Variants in FSIP1 observed in about 807,000 individuals in gnomAD.
FSIP1 encodes fibrous sheath interacting protein 1, also known as fibrous sheath-interacting protein 1.
A neutral mutation model predicts 60.9 loss-of-function variants in FSIP1; 65 were observed. The ratio of observed to expected loss-of-function variants is 1.07; its 90% CI spans 0.87 to 1.31. The LOEUF is 1.31. Among genes scored for constraint, FSIP1 ranks in the 40% most tolerant of loss-of-function variants. FSIP1 has a pLI of 0.00. For missense variants in FSIP1, 675 were observed against 665.5 expected (o/e 1.01, Z -0.16); for synonymous variants, 209 against 221.2 (o/e 0.94, Z 0.49).
At chr15:39,602,682 T>C (rs1212918873) in intron 11 of FSIP1, among the ~76,000 whole-genome samples, 1 of 152,160 alleles carries the variant, frequency 6.6e-6, no homozygotes, top group African/African-American at 2.4e-5. Flanking sequence ...TGATGGGACA[T>C]AATTCCACGC....
chr15:39,749,245 A>G (rs989578132), intron 5 of FSIP1, among the ~76,000 whole-genome samples: 1 of 136,682 alleles, frequency 7.3e-6, no homozygotes, highest in African/African-American at 3.0e-5. Context: ...ATTAATACCA[A>G]TACTTCTTAA....
At chr15:39,728,338 TAAGCAAA>T (rs1896277504) in intron 8 of FSIP1, among the ~76,000 whole-genome samples, 1 of 152,192 alleles carries the variant, frequency 6.6e-6, no homozygotes, top group Admixed American at 6.5e-5. Context: ...AAGGCAATCC[TAAGCAAA>T]AAGAACAAAG....
intron 3 of FSIP1, among the ~76,000 whole-genome samples, chr15:39,768,407 C>T (rs1003851301): frequency 2.6e-5 from 4 of 152,148 alleles, no homozygotes; most frequent in Admixed American, 2.6e-4. Context: ...TAGAAATCAA[C>T]ACTGAAAAGT....
At chr15:39,631,639 C>G (rs760165815) in intron 10 of FSIP1, among the ~76,000 whole-genome samples, 14 of 152,154 alleles carry the variant, frequency 9.2e-5, no homozygotes, top group Non-Finnish European at 1.8e-4. Context: ...TAATAAAAAG[C>G]CTGCATTCTG....
At chr15:39,742,517 C>T (rs796451419) in intron 5 of FSIP1, among the ~76,000 whole-genome samples, 5 of 152,228 alleles carry the variant, frequency 3.3e-5, no homozygotes, top group East Asian at 1.9e-4. Context: ...ATTTGCAAGA[C>T]GCCGTTAACA....
chr15:39,726,119 G>C (rs1896184954), intron 9 of FSIP1, among the ~76,000 whole-genome samples: 1 of 152,112 alleles, frequency 6.6e-6, no homozygotes. Flanking sequence ...GGGAACTACT[G>C]AGAGAAGAAA....
intron 10 of FSIP1, among the ~76,000 whole-genome samples, chr15:39,631,586 C>T (rs1297202408): frequency 6.6e-6 from 1 of 152,192 alleles, no homozygotes; most frequent in African/African-American, 2.4e-5. Context: ...CATGTCCACT[C>T]ACCATGGAAA....
chr15:39,753,232 G>A (rs1385162844), intron 5 of FSIP1, among the ~76,000 whole-genome samples: 1 of 152,076 alleles, frequency 6.6e-6, no homozygotes, highest in Admixed American at 6.6e-5. Flanking sequence ...GGTTTTTCCA[G>A]TGAAATCTTT....
intron 10 of FSIP1, among the ~76,000 whole-genome samples, chr15:39,667,270 C>T (rs748019869): frequency 6.6e-6 from 1 of 151,918 alleles, no homozygotes. Context: ...TAACATGACA[C>T]AACAGCATAC....
chr15:39,743,285 G>A lies in FSIP1; in HGVS notation c.560-1385C>T, dbSNP rs776128663. The stretch of plus-strand genomic sequence containing the variant: ...AATTTGAAATTACTCTTGTGACCCT[G>A]TGGCTCTTTGCCCATCTTCCCAGTG... On this transcript the variant is annotated intron_variant, in intron 5 of 11. Coordinates refer to ENST00000350221, the MANE Select transcript of FSIP1 (RefSeq NM_152597.5). Among the ~76,000 whole-genome samples the A allele has an allele frequency of 7.4e-4, 112 of 152,188 alleles. 1 individual carries two copies. The highest frequency in any genetic ancestry group is 1.8e-3 in the Admixed American group (27 of 15,284).
At chr15:39,690,596 C>G (rs1379500280) in intron 10 of FSIP1, among the ~76,000 whole-genome samples, 1 of 152,206 alleles carries the variant, frequency 6.6e-6, no homozygotes, top group South Asian at 2.1e-4. Flanking sequence ...GTTCCAAATA[C>G]CAGGTCGAAA....
intron 9 of FSIP1, 147 bp from the exon 10 acceptor site, chr15:39,713,728 G>A (rs1012883875): frequency 1.5e-6 from 1 of 661,434 alleles, no homozygotes; most frequent in African/African-American, 1.9e-5. Context: ...ACGCTTTAAA[G>A]TCTTCCCATT....
At chr15:39,714,306 C>T (rs1895650120) in intron 9 of FSIP1, among the ~76,000 whole-genome samples, 1 of 152,016 alleles carries the variant, frequency 6.6e-6, no homozygotes, top group African/African-American at 2.4e-5. Flanking sequence ...AATGTTATTT[C>T]TGGGTGATAA....
At chr15:39,757,313 C>T (rs1897329938) in intron 5 of FSIP1, among the ~76,000 whole-genome samples, 1 of 152,008 alleles carries the variant, frequency 6.6e-6, no homozygotes, top group Admixed American at 6.6e-5. Context: ...AAAGTAGCTT[C>T]GTACCACCTT....
chr15:39,618,459 C>T (rs57040293), intron 10 of FSIP1, among the ~76,000 whole-genome samples: 8,065 of 152,116 alleles, frequency 0.053, 734 homozygotes, highest in African/African-American at 0.19. Flanking sequence ...CCCCACCCAT[C>T]CCTCAGCATG....
chr15:39,746,805 G>A (rs1897008298), intron 5 of FSIP1, among the ~76,000 whole-genome samples: 1 of 151,072 alleles, frequency 6.6e-6, no homozygotes, highest in South Asian at 2.1e-4. Context: ...AAAGACAAGA[G>A]GATGGGATTA....
chr15:39,617,994 T>A lies in FSIP1; in HGVS notation c.1440A>T (p.Lys480Asn). 1 of 1,614,182 alleles carries A rather than the reference T, an allele frequency of 6.2e-7. No individual in the cohort carries two copies. Among genetic ancestry groups the A allele is most frequent in the Non-Finnish European group, 8.5e-7 (1 of 1,180,018 alleles). Residue 480 changes from lysine (K) to asparagine (N), a missense_variant, in exon 11 of 12, where the codon AAA becomes AAT. Coordinates refer to ENST00000350221, the MANE Select transcript of FSIP1 (RefSeq NM_152597.5). ...MLESEECEAS[K>N]GYYLTKALTG... Reference sequence around the variant, plus strand: ...TCAAGGCTTTAGTGAGATAGTAGCCTTTAGAAGCTTCACATTCTTCACTCT... The same window carrying A: ...TCAAGGCTTTAGTGAGATAGTAGCCATTAGAAGCTTCACATTCTTCACTCT...
chr15:39,633,228 T>G (rs943159736), intron 10 of FSIP1, among the ~76,000 whole-genome samples: 4 of 151,630 alleles, frequency 2.6e-5, no homozygotes, highest in Non-Finnish European at 5.9e-5. Context: ...TAGCTGGGAC[T>G]ATAGGCACGC....
intron 10 of FSIP1, among the ~76,000 whole-genome samples, chr15:39,683,835 A>T (rs572303242): frequency 6.6e-6 from 1 of 152,342 alleles, no homozygotes; most frequent in East Asian, 1.9e-4. Context: ...CCAAGAAAAA[A>T]TACCACTTAC....
Sources: gnomAD v4.1 joint callset for allele counts (sites outside exome capture counted in the v4.1 genomes callset) on GRCh38, gnomAD v4.1.1 for gene constraint, MANE v1.5 for transcripts, NCBI Gene and HGNC (gene_info 2026-07-23, HGNC 2026-07-21) for gene names.